Variants in ATP6V1B1 observed in about 807,000 individuals in gnomAD.
The protein encoded by ATP6V1B1 is V-type proton ATPase subunit B, kidney isoform.
A neutral mutation model predicts 62.1 loss-of-function variants in ATP6V1B1; 41 were observed. That is an observed-to-expected ratio of 0.66 (90% confidence interval 0.51 to 0.86). The LOEUF (loss-of-function observed/expected upper bound fraction) is 0.86. Ranked by LOEUF, ATP6V1B1 falls within the 40% of genes least tolerant of loss-of-function variation. The pLI is 0.00. For synonymous variants in ATP6V1B1, 253 were observed against 273.4 expected, an observed-to-expected ratio of 0.93 and a Z score of 0.74; for missense variants, 651 against 697.5, an observed-to-expected ratio of 0.93 and a Z score of 0.75.
chr2:70,964,522 G>T lies in ATP6V1B1; in HGVS notation c.1228G>T (p.Gly410Ter). The change falls in exon 12 of 14, where the codon GGA becomes TGA. Residue 410 changes from glycine to a stop codon, truncating the protein, a stop_gained. Coordinates refer to ENST00000234396, the MANE Select transcript of ATP6V1B1 (RefSeq NM_001692.4). LOFTEE classifies it high-confidence loss of function. ...GGAAGGCATGACAAGAAAGGACCATGGAGATGTCTCCAACCAGCTGGTAAG... is the reference window on the plus strand; with the variant it reads ...GGAAGGCATGACAAGAAAGGACCATTGAGATGTCTCCAACCAGCTGGTAAG... ...IGEGMTRKDHGDVSNQLYACY... is the reference protein window; with the variant it reads ...IGEGMTRKDH 6.2e-7 allele frequency: 1 copy of T among 1,614,192 alleles called. No individual in the cohort carries two copies. Among genetic ancestry groups the T allele is most frequent in the Non-Finnish European group, 8.5e-7 (1 of 1,180,024 alleles).
chr2:70,940,446 CG>C, intron 1 of ATP6V1B1: 2 of 985,384 alleles, frequency 2.0e-6, no homozygotes, highest in Non-Finnish European at 2.4e-6. Context: ...CCAGCTCTCC[CG>C]GGGGCTTATA....
intron 2 of ATP6V1B1, chr2:70,948,181 ACTCTC>A (rs1558672365): frequency 6.7e-6 from 1 of 150,194 alleles, no homozygotes; most frequent in Non-Finnish European, 1.5e-5. Context: ...TCTCCTCTCC[ACTCTC>A]CTCTCCTGCC....
intron 2 of ATP6V1B1, chr2:70,948,455 A>G (rs1445246943): frequency 1.3e-5 from 2 of 154,774 alleles, no homozygotes; most frequent in African/African-American, 2.4e-5. Context: ...CTGTACAGCA[A>G]CTTTTCCCCT....
chr2:70,939,943 A>G (rs1553416146), intron 1 of ATP6V1B1: 1 of 152,258 alleles, frequency 6.6e-6, no homozygotes, highest in African/African-American at 2.4e-5. Flanking sequence ...GAAGCCCAGG[A>G]AGGCAACTCA....
At chr2:70,955,399 G>A (rs1487030676) in intron 2 of ATP6V1B1, among the ~76,000 whole-genome samples, 1 of 152,134 alleles carries the variant, frequency 6.6e-6, no homozygotes, top group Non-Finnish European at 1.5e-5. Context: ...TATATTCACA[G>A]TTATGCAAAC....
Position 70,958,335 on chromosome 2 carries a change from G to A in ATP6V1B1, c.276G>A (p.Val92=). 1 of 1,613,062 alleles carries A rather than the reference G, an allele frequency of 6.2e-7. No individual in the cohort carries two copies. The highest frequency in any genetic ancestry group is 8.5e-7 in the Non-Finnish European group (1 of 1,179,382). Residue 92 remains valine (V), a splice_region_variant and synonymous_variant, in exon 4 of 14, where the codon GTG becomes GTA. Coordinates refer to ENST00000234396, the MANE Select transcript of ATP6V1B1 (RefSeq NM_001692.4). ...EVAGTKAIVQ[V]FEGTSGIDAR... ...GAAACTCCCTCTTGTTCCCACAGGTGTTTGAAGGGACATCAGGGATCGATG... is the reference window on the plus strand; with the variant it reads ...GAAACTCCCTCTTGTTCCCACAGGTATTTGAAGGGACATCAGGGATCGATG...
chr2:70,960,177 G>A lies in ATP6V1B1; in HGVS notation c.585+99G>A, dbSNP rs1169909950. ...GACAGCTCCTGTGCCAAGCAGGCAGGGGCTGGCAGGGCTGGGGTCGCCAGC... is the reference window on the plus strand; with the variant it reads ...GACAGCTCCTGTGCCAAGCAGGCAGAGGCTGGCAGGGCTGGGGTCGCCAGC... On this transcript the variant is annotated intron_variant, in intron 6 of 13. Coordinates refer to ENST00000234396, the MANE Select transcript of ATP6V1B1 (RefSeq NM_001692.4). 17 of 1,542,952 alleles carry A rather than the reference G, an allele frequency of 1.1e-5. No homozygotes were observed. The Admixed American group carries it at 1.3e-4, about 11-fold the overall frequency.
chr2:70,963,691 C>T lies in ATP6V1B1; in HGVS notation c.1143+37C>T. 1 of 1,596,098 alleles carries T rather than the reference C, an allele frequency of 6.3e-7. No homozygotes were observed. The highest frequency in any genetic ancestry group is 1.1e-5 in the South Asian group (1 of 90,632). On this transcript the variant is annotated intron_variant, in intron 11 of 13. Transcript: ENST00000234396. The surrounding 1 kb of genome is among the most constrained non-coding windows in gnomAD (Gnocchi z 4.3). ...TCCCTACCCACTTCCTGCTCTCAGC[C>T]CAGAGAAACACTGAGGAACAGATGT... is the stretch of plus-strand genomic sequence containing the variant.
rs1680638784 is a variant in ATP6V1B1, at chr2:70,963,433, T to TA, written c.1060+122dup. 6.5e-7 allele frequency: 1 copy of TA among 1,544,544 alleles called. No individual in the cohort carries two copies. The highest frequency in any genetic ancestry group is 8.9e-7 in the Non-Finnish European group (1 of 1,121,546). ...CAGCAGCGCTTTTCCTCCATCGAGA[T>TA]AGACACTGCCCTTTCCTCCACCATC... On this transcript the variant is annotated intron_variant, in intron 10 of 13. Coordinates refer to ENST00000234396, the MANE Select transcript of ATP6V1B1 (RefSeq NM_001692.4). This position sits in a 1 kb window ranked among gnomAD's most constrained non-coding sequence, Gnocchi z 4.3.
intron 1 of ATP6V1B1, among the ~76,000 whole-genome samples, chr2:70,937,944 T>C (rs1679898501): frequency 6.6e-6 from 1 of 152,104 alleles, no homozygotes; most frequent in Non-Finnish European, 1.5e-5. Context: ...CATGTTTGCA[T>C]GCTTCCCTCG....
At chr2:70,940,559 G>A in intron 1 of ATP6V1B1, 4 of 985,448 alleles carry the variant, frequency 4.1e-6, no homozygotes, top group Non-Finnish European at 4.8e-6. Context: ...TGGGAGTGCT[G>A]TGGCTGTTTG....
intron 1 of ATP6V1B1, chr2:70,941,776 C>T (rs1680009821): frequency 1.0e-6 from 1 of 985,552 alleles, no homozygotes; most frequent in Non-Finnish European, 1.2e-6. Flanking sequence ...AGAGCCAGGC[C>T]AAACCTCGAA....
rs1039928588 is a variant in ATP6V1B1, at chr2:70,963,568, G to A, written c.1061-4G>A. ...CACACTGAGGCCAGTGAGTTTTCTTGTAGATATCACCCACCCTATCCCAGA... is the reference window on the plus strand; with the variant it reads ...CACACTGAGGCCAGTGAGTTTTCTTATAGATATCACCCACCCTATCCCAGA... On this transcript the variant is annotated splice_region_variant and splice_polypyrimidine_tract_variant and intron_variant, in intron 10 of 13. Coordinates refer to ENST00000234396, the MANE Select transcript of ATP6V1B1 (RefSeq NM_001692.4). The surrounding 1 kb of genome is among the most constrained non-coding windows in gnomAD (Gnocchi z 4.3). The A allele has an allele frequency of 1.2e-6, 2 of 1,613,926 alleles. No individual in the cohort carries two copies. Among genetic ancestry groups the A allele is most frequent in the Non-Finnish European group, 1.7e-6 (2 of 1,179,928 alleles).
rs1048593039 is a variant in ATP6V1B1 at position 70,963,273 on chromosome 2, T to C, written c.1021T>C (p.Ser341Pro). 5.6e-6 allele frequency: 9 copies of C among 1,613,468 alleles called. No homozygotes were observed. The highest frequency in any genetic ancestry group is 7.6e-6 in the Non-Finnish European group (9 of 1,179,952). ...RAGRVEGRGGSITQIPILTMP... is the reference protein window; with the variant it reads ...RAGRVEGRGGPITQIPILTMP... ...GGGCCGCGTGGAGGGTCGGGGAGGA[T>C]CCATCACACAGATCCCCATCCTCAC... Residue 341 changes from serine to proline, a missense_variant, in exon 10 of 14, where the codon TCC becomes CCC. Coordinates refer to ENST00000234396, the MANE Select transcript of ATP6V1B1 (RefSeq NM_001692.4). The surrounding 1 kb of genome is among the most constrained non-coding windows in gnomAD (Gnocchi z 4.3).
chr2:70,960,942 C>G lies in ATP6V1B1; in HGVS notation c.607C>G (p.Gln203Glu). The G allele has an allele frequency of 6.2e-7, 1 of 1,609,864 alleles. No individual in the cohort carries two copies. Among genetic ancestry groups the G allele is most frequent in the Non-Finnish European group, 8.5e-7 (1 of 1,178,122 alleles). The change falls in exon 7 of 14, where the codon CAG becomes GAG. Residue 203 changes from glutamine to glutamate, a missense_variant. Gln to Glu is a conservative substitution (Grantham distance 29). Coordinates refer to ENST00000234396, the MANE Select transcript of ATP6V1B1 (RefSeq NM_001692.4). The stretch of plus-strand genomic sequence containing the variant: ...CTAGATTGCCGCTCAGATCTGCCGC[C>G]AGGCGGGGCTGGTGAAGAAGTCCAA... Reference protein sequence around the residue: ...HNEIAAQICRQAGLVKKSKAV... With the variant: ...HNEIAAQICREAGLVKKSKAV...
chr2:70,950,932 AT>A (rs55871344), intron 2 of ATP6V1B1, among the ~76,000 whole-genome samples: 269 of 64,598 alleles, frequency 4.2e-3, no homozygotes, highest in Middle Eastern at 0.017. Context: ...TTTTTTCCTG[AT>A]TTTTTTTTTT....
In ATP6V1B1 at chr2:70,960,087, T is replaced by C. The variant is rs899306794; in HGVS notation, c.585+9T>C. ...GGCTCCCCCACAATGAGGTGAGGCC[T>C]GCAGGGCCAGCAGGCATGGCTGGGG... is the stretch of plus-strand genomic sequence containing the variant. On this transcript the variant is annotated intron_variant, in intron 6 of 13. Coordinates refer to ENST00000234396, the MANE Select transcript of ATP6V1B1 (RefSeq NM_001692.4). 34 of 1,613,986 alleles carry C rather than the reference T, an allele frequency of 2.1e-5. No individual in the cohort carries two copies. The highest frequency in any genetic ancestry group is 2.8e-5 in the Non-Finnish European group (33 of 1,179,950).
Position 70,960,961 on chromosome 2 carries a change from A to T in ATP6V1B1, c.626A>T (p.Lys209Met). The T allele has an allele frequency of 6.2e-7, 1 of 1,608,864 alleles. No homozygotes were observed. The highest frequency in any genetic ancestry group is 1.1e-5 in the South Asian group (1 of 89,826). Residue 209 changes from lysine (K) to methionine (M), a missense_variant, in exon 7 of 14, where the codon AAG becomes ATG. Lys to Met is a moderately conservative substitution (Grantham distance 95). Transcript: ENST00000234396. ...TGCCGCCAGGCGGGGCTGGTGAAGA[A>T]GTCCAAGGCTGTGCTGGATTACCAT... The part of the protein sequence containing the change: ...QICRQAGLVK[K>M]SKAVLDYHDD...
rs953653863 is a variant in ATP6V1B1 at position 70,959,888 on chromosome 2, C to G, written c.446-51C>G. 1 of 1,613,810 alleles carries G rather than the reference C, an allele frequency of 6.2e-7. No homozygotes were observed. Among genetic ancestry groups the G allele is most frequent in the Admixed American group, 1.7e-5 (1 of 60,008 alleles). ...AGTCTGGGGTCAGTGTCGAGGAGAGCAGGGAAGGGTTTGAACCCCTGAGCA... is the reference window on the plus strand; with the variant it reads ...AGTCTGGGGTCAGTGTCGAGGAGAGGAGGGAAGGGTTTGAACCCCTGAGCA... On this transcript the variant is annotated intron_variant, in intron 5 of 13. Transcript: ENST00000234396. This position sits in a 1 kb window ranked among gnomAD's most constrained non-coding sequence, Gnocchi z 4.2.
Sources: allele counts gnomAD v4.1 joint callset (sites outside exome capture counted in the v4.1 genomes callset), GRCh38; gene constraint gnomAD v4.1.1; non-coding constraint Gnocchi (gnomAD v3.1); transcripts MANE v1.5; gene names NCBI Gene and HGNC (gene_info 2026-07-23, HGNC 2026-07-21).